The following DAAM2 variants were observed in gnomAD, a reference collection of about 807,000 sequenced individuals.
DAAM2 encodes dishevelled associated activator of morphogenesis 2.
In DAAM2, 39 loss-of-function variants were observed where a neutral mutation model predicts 120.7. The observed-to-expected ratio is 0.32, with a 90% CI of 0.25 to 0.42. The LOEUF (loss-of-function observed/expected upper bound fraction) is 0.42. Among genes scored for constraint, DAAM2 ranks in the 10% least tolerant of loss-of-function variants. DAAM2 has a pLI of 1.00. For missense variants in DAAM2, 1,283 were observed against 1,401.7 expected, an observed-to-expected ratio of 0.92 and a Z score of 1.35; for synonymous variants, 488 against 524.9, an observed-to-expected ratio of 0.93 and a Z score of 0.96.
At chr6:39,824,673 C>G (rs575245269) in intron 1 of DAAM2, among the ~76,000 whole-genome samples, 9 of 152,140 alleles carry the variant, frequency 5.9e-5, no homozygotes, top group African/African-American at 2.2e-4. Context: ...CTGGCCAGCT[C>G]CTGCAGGCAG....
At chr6:39,841,406 G>A (rs907347375) in intron 1 of DAAM2, among the ~76,000 whole-genome samples, 1 of 147,708 alleles carries the variant, frequency 6.8e-6, no homozygotes, top group African/African-American at 2.5e-5. Context: ...ACTCCTTGGG[G>A]AAAGGTGGGG....
At chr6:39,891,581 G>T (rs1338482041) in intron 18 of DAAM2, 53 bp from the exon 19 acceptor site, 1 of 1,560,462 alleles carries the variant, frequency 6.4e-7, no homozygotes, top group African/African-American at 1.4e-5. Context: ...GGGAGCTGGG[G>T]CTGGCCAGGA....
chr6:39,796,447 GT>G (rs1761701333), intron 1 of DAAM2, among the ~76,000 whole-genome samples: 1 of 151,714 alleles, frequency 6.6e-6, no homozygotes, highest in Admixed American at 6.6e-5. Context: ...ACATTTTTTG[GT>G]TTGTTTTTTG....
intron 23 of DAAM2, 102 bp downstream of exon 23, chr6:39,900,310 GTTACAGAGC>G: frequency 1.5e-6 from 2 of 1,369,168 alleles, no homozygotes; most frequent in South Asian, 2.8e-5. Context: ...CAAACCCAGA[GTTACAGAGC>G]TTTGAGAGAA....
At position 39,865,430 on chromosome 6, in the gene DAAM2, C is replaced by T. The variant is rs73734932; in HGVS notation, c.428+356C>T. 9.9e-3 allele frequency among the ~76,000 whole-genome samples: 1,500 copies of T among 152,268 alleles called. 29 individuals carry two copies. The highest frequency in any genetic ancestry group is 0.034 in the African/African-American group (1,405 of 41,546). On this transcript the variant is annotated intron_variant, in intron 5 of 24. Transcript: ENST00000274867. ...AAAGAGCCTTGTGAGGATGAGGGGG[C>T]AGGGTGAGTGCCCCATCCAGGAAAA...
In DAAM2 at chr6:39,879,294, T is replaced by TCCCCCCCCC; in HGVS notation, c.1667_1668insCCCCCCCCC (p.Pro557_Pro559dup). 3.9e-5 allele frequency: 24 copies of TCCCCCCCCC among 614,634 alleles called. No homozygotes were observed. Among genetic ancestry groups the TCCCCCCCCC allele is most frequent in the South Asian group, 1.2e-4 (6 of 50,654 alleles). 38.1% of individuals were successfully genotyped at this position (614,634 alleles called of 1,614,324 possible). On this transcript the variant is annotated inframe_insertion, in exon 14 of 25. Transcript: ENST00000274867. ...CTCTGCCCTTTGCCTGTTGTCCCCC[T>TCCCCCCCCC]CCCCCACCACCACCCCTTCCTCCCG...
intron 3 of DAAM2, chr6:39,862,337 C>T (rs1317776220): frequency 6.6e-6 from 1 of 152,110 alleles, no homozygotes; most frequent in African/African-American, 2.4e-5. Flanking sequence ...TTATGCATCT[C>T]ATTGTGAGAA....
At chr6:39,815,793 A>G (rs1398851652) in intron 1 of DAAM2, among the ~76,000 whole-genome samples, 1 of 152,198 alleles carries the variant, frequency 6.6e-6, no homozygotes, top group African/African-American at 2.4e-5. Context: ...AGCTTATTCT[A>G]AAATAGATTG....
intron 21 of DAAM2, 102 bp from the exon 22 acceptor site, chr6:39,898,775 C>T (rs1766285429): frequency 9.9e-7 from 1 of 1,010,400 alleles, no homozygotes; most frequent in South Asian, 1.4e-5. Flanking sequence ...TCACCGACTC[C>T]CAGGCCACTG....
rs77147470 is a variant in DAAM2, at chr6:39,857,771, C to T, written c.168+1301C>T. On this transcript the variant is annotated intron_variant, in intron 2 of 24. Coordinates refer to ENST00000274867, the MANE Select transcript of DAAM2 (RefSeq NM_001201427.2). ...CTGCAAGAAGAATAGCATCAGGTATCTCTCAAACAAGTGAACAATATTTCT... is the reference window on the plus strand; with the variant it reads ...CTGCAAGAAGAATAGCATCAGGTATTTCTCAAACAAGTGAACAATATTTCT... Among the ~76,000 whole-genome samples, 38 of 152,258 alleles carry T rather than the reference C, an allele frequency of 2.5e-4. 1 individual carries two copies. In the East Asian group the frequency reaches 7.3e-3, roughly 29 times the overall value.
At chr6:39,886,640 C>T (rs1367150558) in intron 15 of DAAM2, 1 of 395,048 alleles carries the variant, frequency 2.5e-6, no homozygotes, top group Non-Finnish European at 4.5e-6. Context: ...CAAATAGACC[C>T]CTGGCAGCAG....
chr6:39,825,515 A>G (rs1476768403), intron 1 of DAAM2, among the ~76,000 whole-genome samples: 1 of 151,676 alleles, frequency 6.6e-6, no homozygotes, highest in Non-Finnish European at 1.5e-5. Context: ...CAGCTCTGCC[A>G]GTGTGTGTGT....
chr6:39,868,942 C>A lies in DAAM2; in HGVS notation c.873+9C>A. 2 of 1,542,786 alleles carry A rather than the reference C, an allele frequency of 1.3e-6. No individual in the cohort carries two copies. Among genetic ancestry groups the A allele is most frequent in the Non-Finnish European group, 1.8e-6 (2 of 1,134,458 alleles). On this transcript the variant is annotated intron_variant, in intron 7 of 24. Transcript: ENST00000274867. ...ATGCTGGAGCTGGAGAGGTGGGGTG[C>A]CTTCTCCTTGCCCTTGCTGTTCCCT...
chr6:39,825,449 G>GGT lies in DAAM2; in HGVS notation c.-56-30797_-56-30796insTG, dbSNP rs1332230374. On this transcript the variant is annotated intron_variant, in intron 1 of 24. Transcript: ENST00000274867. ...CAAAACACAAGGTCGGGGGGTTGGT[G>GGT]GGGGGCCTTTGTTTCTTGAAGGAAA... Among the ~76,000 whole-genome samples, 168 of 112,462 alleles carry GGT rather than the reference G, an allele frequency of 1.5e-3. 5 individuals are homozygous for GGT. Among genetic ancestry groups the GGT allele is most frequent in the African/African-American group, 5.5e-3 (159 of 28,838 alleles). The allele number at this position is 112,462 out of a possible 152,430, so 73.8% of individuals were successfully genotyped here. A position where few individuals can be genotyped will look rare whatever the true frequency, so the allele number is the denominator to read the frequency against.
In DAAM2 at chr6:39,865,003, TGAG is replaced by T; in HGVS notation, c.364_366del (p.Glu122del). The T allele has an allele frequency of 1.2e-6, 2 of 1,606,900 alleles. No individual in the cohort carries two copies. Among genetic ancestry groups the T allele is most frequent in the Non-Finnish European group, 1.7e-6 (2 of 1,177,014 alleles). On this transcript the variant is annotated inframe_deletion, in exon 5 of 25. Transcript: ENST00000274867. ...AGATGCAGAGTCTGTACGCGTTTGA[TGAG>T]GAGGAGACGGAGATGAGGAACCAAG...
rs766115966 is a variant in DAAM2, at chr6:39,891,439, A to C, written c.2244A>C (p.Glu748Asp). The C allele has an allele frequency of 1.9e-6, 3 of 1,606,514 alleles. No individual in the cohort carries two copies. Among genetic ancestry groups the C allele is most frequent in the Admixed American group, 1.7e-5 (1 of 59,168 alleles). ...RMARADRFLY[E>D]MSRIDHYQQR... ...CCCGTGCTGACCGCTTCCTCTATGA[A>C]ATGAGCAGGTTGGGCCATGGGCATG... The change falls in exon 18 of 25, where the codon GAA becomes GAC. Residue 748 changes from glutamate to aspartate, a missense_variant. Glu to Asp is a conservative substitution (Grantham distance 45, BLOSUM62 2). Transcript: ENST00000274867.
chr6:39,830,664 C>T (rs1418789820), intron 1 of DAAM2, among the ~76,000 whole-genome samples: 1 of 152,152 alleles, frequency 6.6e-6, no homozygotes, highest in Admixed American at 6.5e-5. Flanking sequence ...GGGACCCAGG[C>T]CTGCGGAGGT....
chr6:39,802,540 G>A (rs1761895721), intron 1 of DAAM2, among the ~76,000 whole-genome samples: 1 of 152,156 alleles, frequency 6.6e-6, no homozygotes, highest in East Asian at 1.9e-4. Flanking sequence ...TGGTGGTGGT[G>A]GTGGTGAAGA....
rs771620164 is a variant in DAAM2 at position 39,902,012 on chromosome 6, G to T, written c.3182G>T (p.Arg1061Leu). ...CAGGCCCTGGAAGTTACCCGGGAGC[G>T]GGCAATAAACCGGCTAAATTATTGA... is the stretch of plus-strand genomic sequence containing the variant. Reference protein sequence around the residue: ...GSQALEVTRERAINRLNY With the variant: ...GSQALEVTRELAINRLNY Residue 1061 changes from arginine (R) to leucine (L), a missense_variant, in exon 25 of 25, where the codon CGG becomes CTG. Transcript: ENST00000274867. 3.7e-6 allele frequency: 6 copies of T among 1,609,784 alleles called. No individual in the cohort carries two copies. In the African/African-American group the frequency reaches 8.0e-5, roughly 22 times the overall value.
Sources: gnomAD v4.1 joint callset for allele counts (sites outside exome capture counted in the v4.1 genomes callset) on GRCh38, gnomAD v4.1.1 for gene constraint, MANE v1.5 for transcripts, NCBI Gene and HGNC (gene_info 2026-07-23, HGNC 2026-07-21) for gene names.